AKAP7: variants seen among roughly 807,000 people sequenced by gnomAD.
AKAP7 encodes A-kinase anchoring protein 7.
AKAP7 carries 39 observed loss-of-function variants against 39.5 expected under a neutral mutation model. The ratio of observed to expected loss-of-function variants is 0.99; its 90% CI spans 0.76 to 1.29. The LOEUF is 1.29. Among genes scored for constraint, AKAP7 ranks in the 50% most tolerant of loss-of-function variants. The probability of loss-of-function intolerance (pLI) is 0.00; values close to 1 mark genes in which losing one functional copy is unlikely to be tolerated. For missense variants in AKAP7, 414 were observed against 407.7 expected (o/e 1.02, Z -0.13); for synonymous variants, 140 against 139.1 (o/e 1.01, Z -0.05).
At chr6:131,247,267 A>ATGTG (rs1243120847) in intron 7 of AKAP7, among the ~76,000 whole-genome samples, 33 of 35,196 alleles carry the variant, frequency 9.4e-4, no homozygotes, top group African/African-American at 2.9e-3. Context: ...CACATTTCAT[A>ATGTG]TGTATATATA....
chr6:131,207,982 A>G (rs1360035157), intron 6 of AKAP7, among the ~76,000 whole-genome samples: 1 of 152,184 alleles, frequency 6.6e-6, no homozygotes, highest in Admixed American at 6.5e-5. Flanking sequence ...TGGCTTAATT[A>G]CTCACAGTTT....
intron 5 of AKAP7, 114 bp downstream of exon 5, chr6:131,169,387 A>G: frequency 2.6e-6 from 3 of 1,150,990 alleles, no homozygotes; most frequent in South Asian, 2.7e-5. Context: ...ACTAGACTCA[A>G]GTATTTTTTA....
chr6:131,179,203 T>C (rs1217012396), intron 5 of AKAP7, among the ~76,000 whole-genome samples: 5 of 152,140 alleles, frequency 3.3e-5, no homozygotes, highest in African/African-American at 9.7e-5. Flanking sequence ...AGATGGAGTC[T>C]CGCCCTGTTG....
intron 1 of AKAP7, among the ~76,000 whole-genome samples, chr6:131,136,243 C>T (rs369790499): frequency 1.3e-5 from 2 of 151,972 alleles, no homozygotes; most frequent in African/African-American, 4.8e-5. Flanking sequence ...GACATGACCG[C>T]TTTTAAAACT....
At chr6:131,191,041 G>T (rs1225856645) in intron 5 of AKAP7, among the ~76,000 whole-genome samples, 2 of 152,202 alleles carry the variant, frequency 1.3e-5, no homozygotes, top group African/African-American at 2.4e-5. Flanking sequence ...CCTTTATGCT[G>T]TTTGTTTTCT....
chr6:131,162,779 G>A (rs1057166869), intron 3 of AKAP7, among the ~76,000 whole-genome samples: 5 of 152,042 alleles, frequency 3.3e-5, no homozygotes, highest in Non-Finnish European at 5.9e-5. Context: ...TGTTAATGCC[G>A]GAATCTCAGC....
rs927935224 is a variant in AKAP7, at chr6:131,282,446, C to T, written c.*720C>T. The T allele has an allele frequency of 3.5e-5, 53 of 1,528,054 alleles. No homozygotes were observed. The highest frequency in any genetic ancestry group is 3.9e-5 in the Non-Finnish European group (45 of 1,142,324). 94.7% of individuals were successfully genotyped at this position (1,528,054 alleles called of 1,614,324 possible). ...AGACTTAATTAATGAAGCTTTGCAT[C>T]GAGAAACGATGGGTCTGAAGTCCAA... On this transcript the variant is annotated 3_prime_UTR_variant, in exon 8 of 8. Coordinates refer to ENST00000431975, the MANE Select transcript of AKAP7 (RefSeq NM_016377.4).
At chr6:131,138,286 G>A (rs1033761835) in intron 1 of AKAP7, among the ~76,000 whole-genome samples, 2 of 152,130 alleles carry the variant, frequency 1.3e-5, no homozygotes, top group African/African-American at 4.8e-5. Context: ...TGTTGCAAAT[G>A]ACAGGATCTT....
chr6:131,234,506 G>A lies in AKAP7; in HGVS notation c.850+14698G>A, dbSNP rs148865525. On this transcript the variant is annotated intron_variant, in intron 7 of 7. Transcript: ENST00000431975. ...AGGCAAATGAAAGAGAGATTTTCCA[G>A]GCCGAGAAAGCAGCATAAGCGACCC... Among the ~76,000 whole-genome samples, 9 of 152,196 alleles carry A rather than the reference G, an allele frequency of 5.9e-5. No individual in the cohort carries two copies. In the East Asian group the frequency reaches 1.5e-3, roughly 26 times the overall value.
intron 6 of AKAP7, among the ~76,000 whole-genome samples, chr6:131,209,482 C>G (rs562831335): frequency 6.6e-6 from 1 of 152,208 alleles, no homozygotes. Context: ...GATCTCCTGA[C>G]CTTGTGATCC....
At chr6:131,221,308 A>G (rs560032330) in intron 7 of AKAP7, among the ~76,000 whole-genome samples, 16 of 152,334 alleles carry the variant, frequency 1.1e-4, no homozygotes, top group Admixed American at 9.8e-4. Context: ...GTGAAAGGTA[A>G]GAAAGGTGAG....
the AKAP7 span, among the ~76,000 whole-genome samples, chr6:131,127,040 G>T: frequency 1.8e-5 from 2 of 112,444 alleles, no homozygotes; most frequent in African/African-American, 6.0e-5. Flanking sequence ...GTTTCATTTT[G>T]CTTTGTTTTT....
At chr6:131,201,502 A>C (rs1807564964) in intron 6 of AKAP7, among the ~76,000 whole-genome samples, 1 of 152,208 alleles carries the variant, frequency 6.6e-6, no homozygotes, top group African/African-American at 2.4e-5. Context: ...GCCCTTTGTC[A>C]GATGAGTAGG....
intron 7 of AKAP7, among the ~76,000 whole-genome samples, chr6:131,271,483 A>AT (rs1562257548): frequency 6.6e-6 from 1 of 152,094 alleles, no homozygotes; most frequent in Non-Finnish European, 1.5e-5. Flanking sequence ...ATCAGGAAGT[A>AT]TAAGTCTTCT....
intron 5 of AKAP7, among the ~76,000 whole-genome samples, chr6:131,194,513 A>G (rs915432781): frequency 6.6e-6 from 1 of 152,090 alleles, no homozygotes; most frequent in African/African-American, 2.4e-5. Context: ...CAGCCATTGG[A>G]TGAAACATTC....
intron 5 of AKAP7, among the ~76,000 whole-genome samples, chr6:131,186,770 C>T (rs925447143): frequency 6.6e-6 from 1 of 151,684 alleles, no homozygotes; most frequent in African/African-American, 2.4e-5. Flanking sequence ...TTTAGGACCC[C>T]AAAATCTCTT....
intron 6 of AKAP7, among the ~76,000 whole-genome samples, chr6:131,218,711 T>G (rs112909512): frequency 6.6e-6 from 1 of 152,154 alleles, no homozygotes; most frequent in Admixed American, 6.5e-5. Flanking sequence ...ACCAAGGGCA[T>G]CCCACTGTAA....
intron 6 of AKAP7, among the ~76,000 whole-genome samples, chr6:131,206,590 A>G (rs1258726679): frequency 6.6e-6 from 1 of 152,172 alleles, no homozygotes; most frequent in Non-Finnish European, 1.5e-5. Flanking sequence ...CAGTTCCTGA[A>G]TTGTTTGGTG....
At chr6:131,168,699 T>A (rs1387858556) in intron 4 of AKAP7, among the ~76,000 whole-genome samples, 2 of 152,196 alleles carry the variant, frequency 1.3e-5, no homozygotes, top group African/African-American at 4.8e-5. Flanking sequence ...CTCACAAATA[T>A]ATGTACTGTA....
Sources: gnomAD v4.1 joint callset for allele counts (sites outside exome capture counted in the v4.1 genomes callset) on GRCh38, gnomAD v4.1.1 for gene constraint, MANE v1.5 for transcripts, NCBI Gene and HGNC (gene_info 2026-07-23, HGNC 2026-07-21) for gene names.